The following TAF3 variants were observed in gnomAD, a reference collection of about 807,000 sequenced individuals.
TAF3 encodes the protein TATA-box binding protein associated factor 3.
In TAF3, 7 loss-of-function variants were observed where a neutral mutation model predicts 80.6. That is an observed-to-expected ratio of 0.09 (90% CI 0.05 to 0.16). The LOEUF is 0.16. Among genes scored for constraint, TAF3 ranks in the 10% least tolerant of loss-of-function variants. TAF3 has a pLI of 1.00. For missense variants in TAF3, 921 were observed against 1,140.2 expected (o/e 0.81, Z 2.77); for synonymous variants, 444 against 446.1 (o/e 1.00, Z 0.06).
chr10:7,971,551 C>T (rs1314350900), intron 3 of TAF3, among the ~76,000 whole-genome samples: 1 of 151,600 alleles, frequency 6.6e-6, no homozygotes, highest in African/African-American at 2.4e-5. Context: ...ATTACCTTTG[C>T]AGAAAGTCCC....
rs189594260 is a variant in TAF3, at chr10:7,841,052, T to C, written c.409+16492T>C. Among the ~76,000 whole-genome samples, 628 of 152,270 alleles carry C rather than the reference T, an allele frequency of 4.1e-3. 6 individuals carry two copies. The highest frequency in any genetic ancestry group is 0.014 in the African/African-American group (598 of 41,544). ...TTTTAGTAGAGAGGGGGTTTCACCATGTTGGCCAGGCTGGTCTGGAACTCC... is the reference window on the plus strand; with the variant it reads ...TTTTAGTAGAGAGGGGGTTTCACCACGTTGGCCAGGCTGGTCTGGAACTCC... On this transcript the variant is annotated intron_variant, in intron 2 of 6. Transcript: ENST00000344293.
intron 2 of TAF3, among the ~76,000 whole-genome samples, chr10:7,843,677 G>T (rs1199726561): frequency 1.4e-5 from 2 of 144,550 alleles, no homozygotes; most frequent in Non-Finnish European, 1.5e-5. Flanking sequence ...GTGATCAGTC[G>T]TTGGATAATT....
At chr10:7,880,755 C>G (rs989852936) in intron 2 of TAF3, among the ~76,000 whole-genome samples, 1 of 152,074 alleles carries the variant, frequency 6.6e-6, no homozygotes, top group Non-Finnish European at 1.5e-5. Flanking sequence ...GATTCAACTC[C>G]TTACCTACTC....
chr10:7,831,489 G>T lies in TAF3; in HGVS notation c.409+6929G>T, dbSNP rs1195082914. Among the ~76,000 whole-genome samples, 4 of 152,124 alleles carry T rather than the reference G, an allele frequency of 2.6e-5. No individual in the cohort carries two copies. The South Asian group carries it at 6.2e-4, about 24-fold the overall frequency. On this transcript the variant is annotated intron_variant, in intron 2 of 6. Coordinates refer to ENST00000344293, the MANE Select transcript of TAF3 (RefSeq NM_031923.4). ...GCCTCTCCAGTAGCTGGGATTACAG[G>T]CATGTGCCACCACGCCCGGCTAATT...
intron 2 of TAF3, among the ~76,000 whole-genome samples, chr10:7,862,148 C>T (rs768744731): frequency 6.6e-6 from 1 of 152,156 alleles, no homozygotes; most frequent in Non-Finnish European, 1.5e-5. Context: ...CATTTCTCTC[C>T]TGAGATTGCC....
intron 3 of TAF3, among the ~76,000 whole-genome samples, chr10:7,974,133 T>TAC (rs56363651): frequency 0.029 from 4,242 of 145,296 alleles, 55 homozygotes; most frequent in South Asian, 0.039. Context: ...TTCTGAAACA[T>TAC]ACACACACAC....
intron 4 of TAF3, among the ~76,000 whole-genome samples, chr10:7,999,560 A>C (rs1233161796): frequency 1.3e-5 from 2 of 151,168 alleles, no homozygotes; most frequent in African/African-American, 4.9e-5. Flanking sequence ...AGGTTCAAGC[A>C]GTTCTCCCGC....
At chr10:7,906,637 C>A (rs1837610776) in intron 2 of TAF3, among the ~76,000 whole-genome samples, 1 of 151,408 alleles carries the variant, frequency 6.6e-6, no homozygotes, top group Non-Finnish European at 1.5e-5. Flanking sequence ...TTTTTTCTTT[C>A]CCCAAACAGG....
chr10:7,891,083 T>C (rs1239187032), intron 2 of TAF3, among the ~76,000 whole-genome samples: 1 of 152,236 alleles, frequency 6.6e-6, no homozygotes, highest in East Asian at 1.9e-4. Flanking sequence ...CAGATGTGTT[T>C]TAGAGAAAAA....
In TAF3 at chr10:7,919,060, A is replaced by G. The variant is rs1193377340; in HGVS notation, c.410-44860A>G. ...AACAGTTAGAAAAGCCCCTGGACAT[A>G]GAGGAGATTTTGCTAATGACAGATT... On this transcript the variant is annotated intron_variant, in intron 2 of 6. Transcript: ENST00000344293. Among the ~76,000 whole-genome samples the G allele has an allele frequency of 2.6e-5, 4 of 152,150 alleles. No individual in the cohort carries two copies. The East Asian group carries it at 7.7e-4, about 29-fold the overall frequency.
intron 2 of TAF3, among the ~76,000 whole-genome samples, chr10:7,902,631 G>A (rs1467647265): frequency 6.6e-6 from 1 of 152,110 alleles, no homozygotes. Context: ...GGATGACTGT[G>A]TAGTTCAGAT....
intron 1 of TAF3, among the ~76,000 whole-genome samples, 175 bp downstream of exon 1, chr10:7,819,050 C>G (rs1484531524): frequency 6.6e-6 from 1 of 152,094 alleles, no homozygotes; most frequent in Non-Finnish European, 1.5e-5. Flanking sequence ...CTCTAGTCAT[C>G]CTTCGGGTGC....
At chr10:8,012,013 C>T (rs1161127326) in intron 5 of TAF3, among the ~76,000 whole-genome samples, 4 of 152,032 alleles carry the variant, frequency 2.6e-5, no homozygotes, top group Admixed American at 2.6e-4. Context: ...CCCATCTCTG[C>T]AGAAAATACA....
intron 2 of TAF3, among the ~76,000 whole-genome samples, chr10:7,835,325 G>T (rs1836841265): frequency 8.0e-6 from 1 of 125,392 alleles, no homozygotes; most frequent in South Asian, 3.0e-4. Context: ...CATGGGCTGT[G>T]GGTTGACAAG....
chr10:7,856,524 A>T (rs575235422), intron 2 of TAF3, among the ~76,000 whole-genome samples: 1 of 152,286 alleles, frequency 6.6e-6, no homozygotes, highest in African/African-American at 2.4e-5. Flanking sequence ...AAGATTTTTT[A>T]AAAATTATAG....
intron 4 of TAF3, among the ~76,000 whole-genome samples, chr10:7,994,479 C>G (rs1831865165): frequency 6.6e-6 from 1 of 152,042 alleles, no homozygotes; most frequent in South Asian, 2.1e-4. Context: ...ATACTGTTTC[C>G]AGTTCAGATT....
chr10:7,914,177 T>G (rs1284258320), intron 2 of TAF3, among the ~76,000 whole-genome samples: 4 of 152,350 alleles, frequency 2.6e-5, no homozygotes, highest in African/African-American at 9.6e-5. Context: ...ATGATGGCGA[T>G]GTGGTTATAC....
At chr10:7,990,539 T>C (rs1445356601) in intron 4 of TAF3, among the ~76,000 whole-genome samples, 2 of 152,218 alleles carry the variant, frequency 1.3e-5, no homozygotes, top group Middle Eastern at 6.3e-3. Context: ...TCTGTATGCA[T>C]GCATACATCT....
At chr10:8,001,660 A>T (rs1017385817) in intron 4 of TAF3, among the ~76,000 whole-genome samples, 1 of 152,186 alleles carries the variant, frequency 6.6e-6, no homozygotes, top group East Asian at 1.9e-4. Flanking sequence ...CCCCAAGACT[A>T]AAAACATCTA....
Sources: allele counts gnomAD v4.1 joint callset (sites outside exome capture counted in the v4.1 genomes callset), GRCh38; gene constraint gnomAD v4.1.1; transcripts MANE v1.5; gene names NCBI Gene and HGNC (gene_info 2026-07-23, HGNC 2026-07-21).